Variants in ADARB2 observed in about 807,000 individuals in gnomAD.
The protein encoded by ADARB2 is adenosine deaminase RNA specific B2 (inactive), also known as inactive double-stranded RNA-specific editase B2.
Under a neutral mutation model 62.2 loss-of-function variants are expected in ADARB2, and 25 were observed. That is an observed-to-expected ratio of 0.40 (90% CI 0.29 to 0.56). ADARB2 has a LOEUF of 0.56. Ranked by LOEUF, ADARB2 falls within the 20% of genes least tolerant of loss-of-function variation. The pLI is 0.43. For missense variants in ADARB2, 1,071 were observed against 1,077.4 expected (o/e 0.99, Z 0.08); for synonymous variants, 572 against 500.8 (o/e 1.14, Z -1.90).
chr10:1,602,889 G>A (rs960928915), intron 1 of ADARB2, among the ~76,000 whole-genome samples: 1 of 150,794 alleles, frequency 6.6e-6, no homozygotes, highest in African/African-American at 2.5e-5. Flanking sequence ...ACACACACTT[G>A]TACATACACA....
At chr10:1,392,647 G>A (rs1004600044) in intron 1 of ADARB2, among the ~76,000 whole-genome samples, 7 of 152,120 alleles carry the variant, frequency 4.6e-5, no homozygotes, top group Non-Finnish European at 1.0e-4. Context: ...CCAAGCTCCC[G>A]TCCTATGAAC....
chr10:1,487,184 A>G (rs1326810257), intron 1 of ADARB2, among the ~76,000 whole-genome samples: 1 of 152,212 alleles, frequency 6.6e-6, no homozygotes, highest in Non-Finnish European at 1.5e-5. Context: ...AGTCAAACCA[A>G]ATCCATCTAC....
intron 3 of ADARB2, among the ~76,000 whole-genome samples, chr10:1,351,975 T>A (rs4880829): frequency 0.022 from 3,090 of 143,620 alleles, 211 homozygotes; most frequent in African/African-American, 0.083. Flanking sequence ...TTCTGTTCTG[T>A]ATCTCAAACA....
At chr10:1,692,742 TG>T (rs1363068465) in intron 1 of ADARB2, among the ~76,000 whole-genome samples, 2 of 152,116 alleles carry the variant, frequency 1.3e-5, no homozygotes, top group Non-Finnish European at 2.9e-5. Context: ...AATACATTAA[TG>T]AATGAATGAA....
At chr10:1,480,385 T>A (rs1018412808) in intron 1 of ADARB2, among the ~76,000 whole-genome samples, 1 of 152,194 alleles carries the variant, frequency 6.6e-6, no homozygotes, top group Non-Finnish European at 1.5e-5. Context: ...CAAACAATGA[T>A]CAATCTGAAA....
intron 8 of ADARB2, among the ~76,000 whole-genome samples, chr10:1,194,526 A>ATCTAATCT (rs1564216413): frequency 6.6e-6 from 1 of 151,264 alleles, no homozygotes; most frequent in East Asian, 1.9e-4. Context: ...CTATCTATCT[A>ATCTAATCT]ATCTATCTAT....
chr10:1,386,916 T>C (rs1832530148), intron 1 of ADARB2, among the ~76,000 whole-genome samples: 1 of 151,920 alleles, frequency 6.6e-6, no homozygotes, highest in South Asian at 2.1e-4. Flanking sequence ...CATAAAAGTA[T>C]ATTTTCTGGC....
At chr10:1,580,794 GTA>G (rs1002490577) in intron 1 of ADARB2, among the ~76,000 whole-genome samples, 1 of 152,100 alleles carries the variant, frequency 6.6e-6, no homozygotes, top group African/African-American at 2.4e-5. Context: ...GCCACCACTG[GTA>G]TGTTTTCATA....
intron 1 of ADARB2, among the ~76,000 whole-genome samples, chr10:1,460,287 GAACCTGCCTGTGACCTGAGTTTACCTGCA>G (rs1831156074): frequency 8.6e-5 from 1 of 11,590 alleles, no homozygotes; most frequent in Non-Finnish European, 2.0e-4. Flanking sequence ...CCTGTGTAAC[GAACCTGCCTGTGACCTGAGTTTACCTGCA>G]TAACAAACCT....
intron 8 of ADARB2, among the ~76,000 whole-genome samples, chr10:1,199,220 C>CCA (rs1554742825): frequency 6.6e-6 from 1 of 151,914 alleles, no homozygotes; most frequent in Non-Finnish European, 1.5e-5. Context: ...ACCCACCCCC[C>CCA]CGCTTCCCGC....
chr10:1,481,362 A>G (rs1831468302), intron 1 of ADARB2, among the ~76,000 whole-genome samples: 1 of 152,208 alleles, frequency 6.6e-6, no homozygotes, highest in Admixed American at 6.5e-5. Flanking sequence ...AGAAAAGCTC[A>G]TCAGGGAAAA....
chr10:1,189,366 C>T (rs1391991376), intron 8 of ADARB2, among the ~76,000 whole-genome samples: 3 of 151,996 alleles, frequency 2.0e-5, no homozygotes, highest in East Asian at 1.9e-4. Flanking sequence ...CCTTCCTGGC[C>T]GTGGAGAAGT....
At chr10:1,356,924 GA>G (rs1418047261) in intron 3 of ADARB2, among the ~76,000 whole-genome samples, 1 of 152,170 alleles carries the variant, frequency 6.6e-6, no homozygotes, top group African/African-American at 2.4e-5. Context: ...TCTTCTCCCT[GA>G]GTTACACACT....
At chr10:1,312,839 C>A (rs1320765115) in intron 3 of ADARB2, among the ~76,000 whole-genome samples, 2 of 152,206 alleles carry the variant, frequency 1.3e-5, no homozygotes, top group Non-Finnish European at 2.9e-5. Flanking sequence ...GCCTGTGACC[C>A]CTCTGCCCAT....
intron 1 of ADARB2, among the ~76,000 whole-genome samples, chr10:1,380,717 C>A (rs1057295371): frequency 2.0e-5 from 3 of 152,338 alleles, no homozygotes; most frequent in Non-Finnish European, 4.4e-5. Flanking sequence ...AATGCCTTTA[C>A]CTTCTTTGTT....
At chr10:1,436,514 G>A (rs890252839) in intron 1 of ADARB2, among the ~76,000 whole-genome samples, 3 of 152,118 alleles carry the variant, frequency 2.0e-5, no homozygotes, top group African/African-American at 7.2e-5. Context: ...TTCTTCATAC[G>A]ATACTTTGTA....
chr10:1,593,159 A>T (rs1833283675), intron 1 of ADARB2, among the ~76,000 whole-genome samples: 1 of 110,124 alleles, frequency 9.1e-6, no homozygotes, highest in African/African-American at 3.8e-5. Context: ...GCCACGCTCC[A>T]TCGGTCTCCT....
chr10:1,241,351 T>C lies in ADARB2; in HGVS notation c.1361+780A>G, dbSNP rs183460655. 2.5e-3 allele frequency among the ~76,000 whole-genome samples: 375 copies of C among 152,330 alleles called. 2 individuals are homozygous for C. Among genetic ancestry groups the C allele is most frequent in the African/African-American group, 8.6e-3 (358 of 41,566 alleles). On this transcript the variant is annotated intron_variant, in intron 5 of 9. Transcript: ENST00000381312. ...GGGCCTTTCTCCTTTTGTGTGGCTT[T>C]TGCACAGCTAATGGGCATGGAGATG...
chr10:1,485,779 T>C (rs1381516304), intron 1 of ADARB2, among the ~76,000 whole-genome samples: 1 of 152,220 alleles, frequency 6.6e-6, no homozygotes, highest in African/African-American at 2.4e-5. Flanking sequence ...CCCATGTTCA[T>C]TCCTCTGTCT....
Sources: gnomAD v4.1 joint callset for allele counts (sites outside exome capture counted in the v4.1 genomes callset) on GRCh38, gnomAD v4.1.1 for gene constraint, MANE v1.5 for transcripts, NCBI Gene and HGNC (gene_info 2026-07-23, HGNC 2026-07-21) for gene names.